The following TIMELESS variants were observed in gnomAD, a reference collection of about 807,000 sequenced individuals.
The protein encoded by TIMELESS is protein timeless homolog.
Under a neutral mutation model 164.3 loss-of-function variants are expected in TIMELESS, and 124 were observed. The observed-to-expected ratio is 0.75, with a 90% CI of 0.65 to 0.88. The LOEUF is 0.88. Among genes scored for constraint, TIMELESS ranks in the 40% least tolerant of loss-of-function variants. The pLI is 0.00. For synonymous variants in TIMELESS, 564 were observed against 563.4 expected (o/e 1.00, Z -0.02); for missense variants, 1,422 against 1,491.4 (o/e 0.95, Z 0.77).
At position 56,420,614 on chromosome 12, in the gene TIMELESS, C is replaced by T; in HGVS notation, c.3183G>A (p.Gln1061=). ...GAACCCCTAGCTTGCGCAACAGCTG[C>T]TGAAACTGTTCGTTTTCCATGGCTT... ...NEEAMENEQF[Q]QLLRKLGVRP... is the part of the protein sequence containing the mutation. Residue 1061 remains glutamine (Q), a synonymous_variant, in exon 26 of 29, where the codon CAG becomes CAA. Coordinates refer to ENST00000553532, the MANE Select transcript of TIMELESS (RefSeq NM_003920.5). 6.2e-7 allele frequency: 1 copy of T among 1,614,264 alleles called. No homozygotes were observed. Among genetic ancestry groups the T allele is most frequent in the Non-Finnish European group, 8.5e-7 (1 of 1,180,046 alleles).
chr12:56,417,559 C>G lies in TIMELESS; in HGVS notation c.*157G>C. 1 of 671,246 alleles carries G rather than the reference C, an allele frequency of 1.5e-6. No homozygotes were observed. The highest frequency in any genetic ancestry group is 2.8e-5 in the Admixed American group (1 of 35,922). The allele number at this position is 671,246 out of a possible 1,614,324, so 41.6% of individuals were successfully genotyped here. On this transcript the variant is annotated 3_prime_UTR_variant, in exon 29 of 29. Transcript: ENST00000553532. ...CTGACAGCAGAGAAGTCCAATACTG[C>G]TGCTGAAGTTTCTCAGCCTAAATCC...
chr12:56,428,927 C>T lies in TIMELESS; in HGVS notation c.1260G>A (p.Glu420=). ...FIEQNLTNYY[E]MMLTDRKEAA... is the part of the protein sequence containing the mutation. ...CTTCCTTGCGGTCAGTCAGCATCATCTCATAGTAGTTGGTGAGGTTCTGCT... is the reference window on the plus strand; with the variant it reads ...CTTCCTTGCGGTCAGTCAGCATCATTTCATAGTAGTTGGTGAGGTTCTGCT... The change falls in exon 11 of 29, where the codon GAG becomes GAA. Residue 420 remains glutamate (E), a synonymous_variant. Transcript: ENST00000553532. 1 of 1,614,096 alleles carries T rather than the reference C, an allele frequency of 6.2e-7. No homozygotes were observed. The highest frequency in any genetic ancestry group is 8.5e-7 in the Non-Finnish European group (1 of 1,180,044).
chr12:56,434,809 T>G (rs1011551019), intron 1 of TIMELESS, among the ~76,000 whole-genome samples: 1 of 152,120 alleles, frequency 6.6e-6, no homozygotes, highest in African/African-American at 2.4e-5. Flanking sequence ...CTCAGCATTT[T>G]AGGAGGCCAA....
intron 1 of TIMELESS, among the ~76,000 whole-genome samples, chr12:56,435,626 A>C (rs11171849): frequency 0.55 from 83,491 of 151,756 alleles, 23,715 homozygotes; most frequent in African/African-American, 0.64. Context: ...CAACTTTGCC[A>C]ACATGGTGAA....
At chr12:56,421,612 A>G in intron 22 of TIMELESS, 115 bp downstream of exon 22, 4 of 1,500,722 alleles carry the variant, frequency 2.7e-6, no homozygotes, top group Middle Eastern at 3.5e-4. Context: ...TTACAAATAT[A>G]GTAAGTGAAC....
intron 13 of TIMELESS, among the ~76,000 whole-genome samples, chr12:56,427,765 G>A (rs1252602829): frequency 4.0e-5 from 6 of 151,830 alleles, no homozygotes; most frequent in Admixed American, 2.0e-4. Context: ...TAGTAGAGAC[G>A]GGGTTTCACC....
chr12:56,436,272 G>A (rs1882068418), intron 1 of TIMELESS, among the ~76,000 whole-genome samples: 2 of 152,004 alleles, frequency 1.3e-5, no homozygotes, highest in Admixed American at 1.3e-4. Flanking sequence ...TGACCAACAT[G>A]GTGAAACACT....
rs772711531 is a variant in TIMELESS, at chr12:56,428,657, G to C, written c.1305-5C>G. 1.2e-6 allele frequency: 2 copies of C among 1,612,570 alleles called. No individual in the cohort carries two copies. Among genetic ancestry groups the C allele is most frequent in the Admixed American group, 1.7e-5 (1 of 59,990 alleles). On this transcript the variant is annotated splice_polypyrimidine_tract_variant and splice_region_variant and intron_variant, in intron 11 of 28. Coordinates refer to ENST00000553532, the MANE Select transcript of TIMELESS (RefSeq NM_003920.5). ...GCCTTCAGAGCCAAGTGCATCCTGA[G>C]AGTTGACGGGAAACGGTGAAATGGA...
Position 56,417,265 on chromosome 12 carries a change from A to G in TIMELESS, c.*451T>C. Reference sequence around the variant, plus strand: ...GAGGATGATCATAGGAAACAAAATGAGGACAGAGGCATCTGGTATCTTCTA... The same window carrying G: ...GAGGATGATCATAGGAAACAAAATGGGGACAGAGGCATCTGGTATCTTCTA... On this transcript the variant is annotated 3_prime_UTR_variant, in exon 29 of 29. Coordinates refer to ENST00000553532, the MANE Select transcript of TIMELESS (RefSeq NM_003920.5). 1 of 170,146 alleles carries G rather than the reference A, an allele frequency of 5.9e-6. No individual in the cohort carries two copies. Among genetic ancestry groups the G allele is most frequent in the Admixed American group, 5.5e-5 (1 of 18,236 alleles). The allele number at this position is 170,146 out of a possible 1,614,324, so 10.5% of individuals were successfully genotyped here. A position where few individuals can be genotyped will look rare whatever the true frequency, so the allele number is the denominator to read the frequency against.
intron 19 of TIMELESS, 131 bp downstream of exon 19, chr12:56,422,716 G>A: frequency 9.6e-7 from 1 of 1,038,658 alleles, no homozygotes; most frequent in South Asian, 1.6e-5. Context: ...TCCTGAGCCT[G>A]TTCTCTCACC....
chr12:56,426,403 T>TA (rs974093405), intron 13 of TIMELESS, among the ~76,000 whole-genome samples: 9 of 150,062 alleles, frequency 6.0e-5, no homozygotes, highest in Non-Finnish European at 1.2e-4. Context: ...TTTTTTTTTT[T>TA]AAGACAGAAT....
intron 26 of TIMELESS, among the ~76,000 whole-genome samples, chr12:56,418,825 C>T (rs998150263): frequency 4.0e-5 from 6 of 151,868 alleles, no homozygotes; most frequent in African/African-American, 1.5e-4. Context: ...CCTCAGCCTC[C>T]CAAAGTGCTG....
intron 1 of TIMELESS, among the ~76,000 whole-genome samples, chr12:56,436,774 T>G (rs937250097): frequency 6.6e-5 from 10 of 152,192 alleles, no homozygotes; most frequent in Non-Finnish European, 8.8e-5. Context: ...CATATATTAG[T>G]GTTCTTCTAG....
At position 56,418,324 on chromosome 12, in the gene TIMELESS, A is replaced by C; in HGVS notation, c.3264T>G (p.Pro1088=). The change falls in exon 27 of 29, where the codon CCT becomes CCG. Residue 1088 remains proline (P), a synonymous_variant. Transcript: ENST00000553532. ...AAGCTGCTGCCCTCCGGAGCTGGGT[A>C]GGACTCAGCTTGGCTGGAATTCGCC... The part of the protein sequence containing the change: ...TFWRIPAKLS[P]TQLRRAAASL... 1 of 1,613,388 alleles carries C rather than the reference A, an allele frequency of 6.2e-7. No individual in the cohort carries two copies. The highest frequency in any genetic ancestry group is 2.2e-5 in the East Asian group (1 of 44,866).
chr12:56,425,214 T>C, intron 13 of TIMELESS, 62 bp from the exon 14 acceptor site: 1 of 1,516,156 alleles, frequency 6.6e-7, no homozygotes, highest in South Asian at 1.3e-5. Flanking sequence ...CCCATCAGTG[T>C]CTTTTCTATT....
intron 1 of TIMELESS, among the ~76,000 whole-genome samples, chr12:56,443,716 G>A (rs1356041896): frequency 6.6e-6 from 1 of 152,096 alleles, no homozygotes; most frequent in East Asian, 1.9e-4. Context: ...GGCACCCACA[G>A]AGGCCCAGCT....
intron 1 of TIMELESS, among the ~76,000 whole-genome samples, chr12:56,443,579 G>A (rs1306265817): frequency 1.3e-5 from 2 of 151,966 alleles, no homozygotes; most frequent in Non-Finnish European, 2.9e-5. Context: ...ATCTTTTATT[G>A]CCCTTTGAAG....
chr12:56,438,961 T>C (rs1396392807), intron 1 of TIMELESS, among the ~76,000 whole-genome samples: 3 of 149,944 alleles, frequency 2.0e-5, no homozygotes, highest in Non-Finnish European at 3.0e-5. Flanking sequence ...GGTCAGGAGT[T>C]GAGACCAGCC....
At chr12:56,436,248 G>A (rs574939635) in intron 1 of TIMELESS, among the ~76,000 whole-genome samples, 1 of 152,198 alleles carries the variant, frequency 6.6e-6, no homozygotes, top group East Asian at 1.9e-4. Context: ...TAGGTCAGGA[G>A]TTCAAGACCA....
Sources: allele counts gnomAD v4.1 joint callset (sites outside exome capture counted in the v4.1 genomes callset), GRCh38; gene constraint gnomAD v4.1.1; transcripts MANE v1.5; gene names NCBI Gene and HGNC (gene_info 2026-07-23, HGNC 2026-07-21).